TVP23A: variants seen among roughly 807,000 people sequenced by gnomAD.
TVP23A encodes the protein Golgi apparatus membrane protein TVP23 homolog A.
Under a neutral mutation model 31.7 loss-of-function variants are expected in TVP23A, and 21 were observed. The ratio of observed to expected loss-of-function variants is 0.66; its 90% CI spans 0.47 to 0.95. The LOEUF is 0.95. TVP23A is among the 40% of genes least tolerant of loss of function. The pLI is 0.00. For missense variants in TVP23A, 279 were observed against 255.6 expected, an observed-to-expected ratio of 1.09 and a Z score of -0.62; for synonymous variants, 104 against 96.0, an observed-to-expected ratio of 1.08 and a Z score of -0.49.
At chr16:10,794,041 G>C (rs573700113) in intron 2 of TVP23A, among the ~76,000 whole-genome samples, 7 of 151,738 alleles carry the variant, frequency 4.6e-5, no homozygotes, top group Non-Finnish European at 1.0e-4. Context: ...ATTGAATGCT[G>C]CACCCCCAGG....
At chr16:10,792,598 G>T (rs758298710) in intron 2 of TVP23A, among the ~76,000 whole-genome samples, 1 of 152,236 alleles carries the variant, frequency 6.6e-6, no homozygotes, top group Non-Finnish European at 1.5e-5. Context: ...CAACAAAGCA[G>T]AAAGGACTTA....
intron 2 of TVP23A, among the ~76,000 whole-genome samples, chr16:10,793,754 C>T (rs778949040): frequency 6.6e-6 from 1 of 151,434 alleles, no homozygotes; most frequent in Non-Finnish European, 1.5e-5. Flanking sequence ...ATAAACCTAG[C>T]TGGGCATGGT....
In TVP23A at chr16:10,773,265, T is replaced by A. The variant is rs765155354; in HGVS notation, c.453+48A>T. ...CAAAAGCCTAGTGGTGCAAACACTT[T>A]TTTTGCAGAGACATCAAAGCAATGT... On this transcript the variant is annotated intron_variant, in intron 5 of 7. Transcript: ENST00000299866. 4 of 1,548,864 alleles carry A rather than the reference T, an allele frequency of 2.6e-6. No homozygotes were observed. The South Asian group carries it at 5.0e-5, about 19-fold the overall frequency.
intron 2 of TVP23A, among the ~76,000 whole-genome samples, chr16:10,788,118 G>C (rs373954268): frequency 6.6e-6 from 1 of 152,116 alleles, no homozygotes; most frequent in South Asian, 2.1e-4. Context: ...CACTGGTTTG[G>C]TCTGGAAAGG....
Position 10,767,496 on chromosome 16 carries a change from A to G in TVP23A, c.*1606T>C, listed in dbSNP as rs2031070970. 4.7e-6 allele frequency: 2 copies of G among 429,024 alleles called. No individual in the cohort carries two copies. The highest frequency in any genetic ancestry group is 8.2e-6 in the Non-Finnish European group (2 of 245,008). 26.6% of individuals were successfully genotyped at this position (429,024 alleles called of 1,614,324 possible). A position where few individuals can be genotyped will look rare whatever the true frequency, so the allele number is the denominator to read the frequency against. ...TGTGTATGTGTGTGCGCACACATGC[A>G]AGTGTGCACATTTATATGCGCATAA... On this transcript the variant is annotated 3_prime_UTR_variant, in exon 8 of 8. Transcript: ENST00000299866. This position sits in a 1 kb window ranked among gnomAD's most constrained non-coding sequence, Gnocchi z 4.6.
intron 2 of TVP23A, among the ~76,000 whole-genome samples, chr16:10,817,512 G>A (rs2034496360): frequency 6.6e-6 from 1 of 152,192 alleles, no homozygotes; most frequent in Non-Finnish European, 1.5e-5. Context: ...TGGGATGCTA[G>A]AGGTCTCAGG....
chr16:10,807,803 C>G (rs1452503431), intron 2 of TVP23A, among the ~76,000 whole-genome samples: 1 of 152,230 alleles, frequency 6.6e-6, no homozygotes, highest in Non-Finnish European at 1.5e-5. Flanking sequence ...CGCTGAGTGT[C>G]TCGCCCTGTG....
chr16:10,793,433 C>T (rs2033215026), intron 2 of TVP23A, among the ~76,000 whole-genome samples: 1 of 152,086 alleles, frequency 6.6e-6, no homozygotes, highest in South Asian at 2.1e-4. Flanking sequence ...AACCCTTCAC[C>T]CTCCACCTCT....
At chr16:10,778,780 A>G (rs548110026) in intron 2 of TVP23A, among the ~76,000 whole-genome samples, 1 of 152,342 alleles carries the variant, frequency 6.6e-6, no homozygotes, top group African/African-American at 2.4e-5. Flanking sequence ...AGCCTGGCCA[A>G]CATGGTGAAA....
At chr16:10,762,995 G>A (rs2030236410), downstream of TVP23A, among the ~76,000 whole-genome samples, 2 of 152,142 alleles carry the variant, frequency 1.3e-5, no homozygotes, top group African/African-American at 4.8e-5. Context: ...TCAGGATGAG[G>A]CCCTGGGTTC....
chr16:10,805,499 T>A (rs747371753), intron 2 of TVP23A, among the ~76,000 whole-genome samples: 12 of 150,062 alleles, frequency 8.0e-5, no homozygotes, highest in Non-Finnish European at 1.5e-4. Context: ...TGTACTTTAA[T>A]GCAGGGAATC....
intron 4 of TVP23A, 36 bp downstream of exon 4, chr16:10,774,003 C>T: frequency 6.5e-7 from 1 of 1,537,282 alleles, no homozygotes; most frequent in Non-Finnish European, 8.9e-7. Flanking sequence ...ACCCATTATC[C>T]CCGCTCTGGT....
chr16:10,792,680 A>C (rs970595255), intron 2 of TVP23A, among the ~76,000 whole-genome samples: 3 of 152,278 alleles, frequency 2.0e-5, no homozygotes, highest in African/African-American at 7.2e-5. Flanking sequence ...GCACTAACCC[A>C]GGGGATGAAC....
At chr16:10,770,071 C>T (rs1472890127) in intron 7 of TVP23A, among the ~76,000 whole-genome samples, 2 of 152,272 alleles carry the variant, frequency 1.3e-5, no homozygotes, top group Non-Finnish European at 2.9e-5. Flanking sequence ...CCCCCCGACC[C>T]CCAGCTCCTC....
chr16:10,791,943 A>G (rs537093564), intron 2 of TVP23A, among the ~76,000 whole-genome samples: 4 of 152,320 alleles, frequency 2.6e-5, no homozygotes, highest in African/African-American at 9.6e-5. Context: ...GTAAGAAGCA[A>G]ACAACATGGC....
chr16:10,761,185 T>G, downstream of TVP23A: 3 of 527,690 alleles, frequency 5.7e-6, no homozygotes, highest in Non-Finnish European at 1.0e-5. Flanking sequence ...GTAGGGATGA[T>G]GGGGATTACA....
chr16:10,770,324 G>A lies in TVP23A; in HGVS notation c.590C>T (p.Pro197Leu). The change falls in exon 7 of 8, where the codon CCA becomes CTA. Residue 197 changes from proline to leucine, a missense_variant. Transcript: ENST00000299866. Reference protein sequence around the residue: ...LSQTVFQTACPGDFQKPGLEG... With the variant: ...LSQTVFQTACLGDFQKPGLEG... Reference sequence around the variant, plus strand: ...GAGGCCAGGCTTCTGAAAGTCACCTGGGCAGGCCTGCAAGGGGAAAAGTCA... The same window carrying A: ...GAGGCCAGGCTTCTGAAAGTCACCTAGGCAGGCCTGCAAGGGGAAAAGTCA... The A allele has an allele frequency of 1.9e-6, 3 of 1,551,484 alleles. No homozygotes were observed. The highest frequency in any genetic ancestry group is 1.2e-5 in the South Asian group (1 of 83,988).
intron 2 of TVP23A, among the ~76,000 whole-genome samples, chr16:10,800,960 C>A (rs942477552): frequency 3.9e-5 from 6 of 152,214 alleles, no homozygotes; most frequent in Non-Finnish European, 2.9e-5. Context: ...CACTGTACTG[C>A]AGCCTGGGCA....
intron 2 of TVP23A, among the ~76,000 whole-genome samples, chr16:10,801,192 G>GA (rs538889572): frequency 5.5e-4 from 80 of 145,354 alleles, no homozygotes; most frequent in South Asian, 8.7e-4. Context: ...GATGACGAAA[G>GA]AAAAAAAAAA....
Sources: allele counts gnomAD v4.1 joint callset (sites outside exome capture counted in the v4.1 genomes callset), GRCh38; gene constraint gnomAD v4.1.1; non-coding constraint Gnocchi (gnomAD v3.1); transcripts MANE v1.5; gene names NCBI Gene and HGNC (gene_info 2026-07-23, HGNC 2026-07-21).